The following NUBPL variants were observed in gnomAD, a reference collection of about 807,000 sequenced individuals.
NUBPL encodes iron-sulfur cluster transfer protein NUBPL.
A neutral mutation model predicts 45.7 loss-of-function variants in NUBPL; 31 were observed. The observed-to-expected ratio is 0.68, with a 90% CI of 0.51 to 0.92. The LOEUF is 0.92. Ranked by LOEUF, NUBPL falls within the 40% of genes least tolerant of loss-of-function variation. The pLI is 0.00. For missense variants in NUBPL, 401 were observed against 398.7 expected, an observed-to-expected ratio of 1.01 and a Z score of -0.05; for synonymous variants, 144 against 140.9, an observed-to-expected ratio of 1.02 and a Z score of -0.15.
chr14:31,672,466 GT>G (rs1285052734), intron 4 of NUBPL, among the ~76,000 whole-genome samples: 1 of 151,990 alleles, frequency 6.6e-6, no homozygotes, highest in Non-Finnish European at 1.5e-5. Flanking sequence ...TTTTATTGAG[GT>G]TATTTATTTT....
intron 6 of NUBPL, among the ~76,000 whole-genome samples, chr14:31,766,987 A>G (rs1476158447): frequency 1.3e-5 from 2 of 151,936 alleles, no homozygotes; most frequent in East Asian, 3.9e-4. Flanking sequence ...GAACAAATAC[A>G]TAATTAAAAA....
chr14:31,609,684 T>C (rs745973258), intron 4 of NUBPL, among the ~76,000 whole-genome samples: 9 of 152,084 alleles, frequency 5.9e-5, no homozygotes, highest in Non-Finnish European at 1.3e-4. Context: ...ACAAAACAAG[T>C]CTTAAAACAT....
intron 4 of NUBPL, among the ~76,000 whole-genome samples, chr14:31,646,455 T>A (rs2035855685): frequency 6.6e-6 from 1 of 152,220 alleles, no homozygotes; most frequent in South Asian, 2.1e-4. Context: ...CCCAAAGTGC[T>A]GGGATTACAG....
intron 7 of NUBPL, among the ~76,000 whole-genome samples, chr14:31,822,156 T>A (rs1488416143): frequency 6.6e-6 from 1 of 152,146 alleles, no homozygotes; most frequent in African/African-American, 2.4e-5. Context: ...CAATAGTAAC[T>A]TAATTGTACA....
At chr14:31,741,277 T>C (rs57741988) in intron 6 of NUBPL, among the ~76,000 whole-genome samples, 5,266 of 152,294 alleles carry the variant, frequency 0.035, 294 homozygotes, top group African/African-American at 0.12. Context: ...TGTAGTCCTA[T>C]GAGTACATCT....
At chr14:31,638,867 T>G (rs1457545608) in intron 4 of NUBPL, among the ~76,000 whole-genome samples, 2 of 152,250 alleles carry the variant, frequency 1.3e-5, no homozygotes, top group African/African-American at 4.8e-5. Flanking sequence ...TTTCTTCCAG[T>G]TGATCGGATC....
chr14:31,790,660 G>A (rs974651938), intron 7 of NUBPL, among the ~76,000 whole-genome samples: 3 of 151,602 alleles, frequency 2.0e-5, no homozygotes, highest in Non-Finnish European at 4.4e-5. Context: ...GACCATCCTG[G>A]CTAACATGGT....
chr14:31,583,663 T>C (rs1409212165), intron 3 of NUBPL, among the ~76,000 whole-genome samples: 1 of 152,170 alleles, frequency 6.6e-6, no homozygotes, highest in Non-Finnish European at 1.5e-5. Flanking sequence ...GGTCAGATTT[T>C]CTTAAAAATT....
chr14:31,777,017 T>G (rs559739682), intron 6 of NUBPL, among the ~76,000 whole-genome samples: 56 of 152,356 alleles, frequency 3.7e-4, no homozygotes, highest in Non-Finnish European at 7.4e-4. Context: ...CAGTTCTCTT[T>G]GTGCAAATGA....
intron 4 of NUBPL, among the ~76,000 whole-genome samples, chr14:31,637,636 G>T (rs1355771453): frequency 6.6e-6 from 1 of 152,046 alleles, no homozygotes; most frequent in Non-Finnish European, 1.5e-5. Flanking sequence ...TCAATTCCTG[G>T]GTATCTTTGT....
intron 6 of NUBPL, among the ~76,000 whole-genome samples, chr14:31,691,134 G>T (rs549017909): frequency 6.6e-6 from 1 of 152,228 alleles, no homozygotes; most frequent in African/African-American, 2.4e-5. Context: ...CTCATGGGAA[G>T]AGCCAAAGAA....
rs189279609 is a variant in NUBPL at position 31,756,212 on chromosome 14, A to G, written c.514-31568A>G. Among the ~76,000 whole-genome samples the G allele has an allele frequency of 5.1e-3, 775 of 152,284 alleles. 3 individuals are homozygous for G. Among genetic ancestry groups the G allele is most frequent in the Non-Finnish European group, 8.6e-3 (584 of 68,026 alleles). On this transcript the variant is annotated intron_variant, in intron 6 of 10. Transcript: ENST00000281081. ...TTTTTTGGTTCCATCTGAACTTTAA[A>G]GTAGTTTTTTCGAATTCTGTGAGGA...
chr14:31,671,527 A>G (rs1220498334), intron 4 of NUBPL, among the ~76,000 whole-genome samples: 2 of 152,228 alleles, frequency 1.3e-5, no homozygotes. Flanking sequence ...GTGAAAAAGC[A>G]TGTGATAGTT....
intron 6 of NUBPL, among the ~76,000 whole-genome samples, chr14:31,771,390 T>A (rs1040087331): frequency 6.6e-6 from 1 of 152,208 alleles, no homozygotes; most frequent in African/African-American, 2.4e-5. Context: ...CATTGTGTAA[T>A]AATTTTCTAT....
intron 3 of NUBPL, among the ~76,000 whole-genome samples, chr14:31,575,778 T>C (rs1422478143): frequency 2.0e-5 from 3 of 152,172 alleles, no homozygotes; most frequent in Non-Finnish European, 4.4e-5. Flanking sequence ...ATGAAAAAAA[T>C]TGTGTTTCAG....
At chr14:31,658,332 G>T (rs1425854955) in intron 4 of NUBPL, among the ~76,000 whole-genome samples, 15 of 152,096 alleles carry the variant, frequency 9.9e-5, no homozygotes, top group Non-Finnish European at 4.4e-5. Context: ...CTTTGGGCAG[G>T]TTAGTTTAAT....
intron 6 of NUBPL, among the ~76,000 whole-genome samples, chr14:31,688,200 G>C (rs1279719791): frequency 6.6e-6 from 1 of 152,076 alleles, no homozygotes; most frequent in Non-Finnish European, 1.5e-5. Flanking sequence ...TTAGGAAGAG[G>C]TTTCCCTTAA....
chr14:31,614,577 C>T (rs1463048284), intron 4 of NUBPL, among the ~76,000 whole-genome samples: 2 of 152,062 alleles, frequency 1.3e-5, no homozygotes, highest in Non-Finnish European at 2.9e-5. Flanking sequence ...TTATGATTTT[C>T]TTAAAAAATT....
At chr14:31,807,202 C>T (rs12225728) in intron 7 of NUBPL, among the ~76,000 whole-genome samples, 21 of 152,330 alleles carry the variant, frequency 1.4e-4, no homozygotes, top group African/African-American at 4.8e-4. Flanking sequence ...GCCACACTGT[C>T]TTCCACAATG....
Sources: allele counts gnomAD v4.1 joint callset (sites outside exome capture counted in the v4.1 genomes callset), GRCh38; gene constraint gnomAD v4.1.1; transcripts MANE v1.5; gene names NCBI Gene and HGNC (gene_info 2026-07-23, HGNC 2026-07-21).